NFRKB: variants seen among roughly 807,000 people sequenced by gnomAD.
NFRKB encodes nuclear factor related to kappa-B-binding protein.
Under a neutral mutation model 135.7 loss-of-function variants are expected in NFRKB, and 62 were observed. The ratio of observed to expected loss-of-function variants is 0.46; its 90% CI spans 0.37 to 0.56. NFRKB has a LOEUF of 0.56. NFRKB is among the 20% of genes least tolerant of loss of function. The pLI is 0.00. For synonymous variants in NFRKB, 678 were observed against 635.6 expected (o/e 1.07, Z -1.00); for missense variants, 1,545 against 1,662.0 (o/e 0.93, Z 1.22).
Position 129,864,068 on chromosome 11 carries a change from A to G in NFRKB, c.*657T>C, listed in dbSNP as rs1948079317. The G allele has an allele frequency of 6.6e-6, 1 of 151,870 alleles. No homozygotes were observed. Among genetic ancestry groups the G allele is most frequent in the Non-Finnish European group, 1.5e-5 (1 of 68,066 alleles). The allele number at this position is 151,870 out of a possible 1,614,324, so 9.4% of individuals were successfully genotyped here. Reference sequence around the variant, plus strand: ...TAAGAGGCAGTGCCAAGCGAATCCCATTTCAGGGGACCCACTCTACCTCGC... The same window carrying G: ...TAAGAGGCAGTGCCAAGCGAATCCCGTTTCAGGGGACCCACTCTACCTCGC... On this transcript the variant is annotated 3_prime_UTR_variant, in exon 27 of 27. Transcript: ENST00000682444.
Position 129,882,146 on chromosome 11 carries a change from G to A in NFRKB, c.1131C>T (p.Ser377=), listed in dbSNP as rs368277424. The A allele has an allele frequency of 3.5e-5, 56 of 1,613,458 alleles. No individual in the cohort carries two copies. In the Admixed American group the frequency reaches 9.0e-4, roughly 26 times the overall value. ...TCTCTAATAGAAGAGAGAAGAAGCT[G>A]GAAGATATTTCATTGATTCCAAGGC... ...KPCLGINEIS[S]SFFSLLLEIL... The change falls in exon 11 of 27, where the codon TCC becomes TCT. Residue 377 remains serine, a synonymous_variant. Coordinates refer to ENST00000682444, the MANE Select transcript of NFRKB (RefSeq NM_001143835.2).
Position 129,884,095 on chromosome 11 carries a change from T to C in NFRKB, c.791A>G (p.His264Arg). 6.2e-7 allele frequency: 1 copy of C among 1,614,224 alleles called. No individual in the cohort carries two copies. Among genetic ancestry groups the C allele is most frequent in the Non-Finnish European group, 8.5e-7 (1 of 1,180,040 alleles). The change falls in exon 8 of 27, where the codon CAC (histidine) becomes CGC (arginine). Residue 264 changes from histidine (H) to arginine (R), a missense_variant. Transcript: ENST00000682444. ...DSDLKIMLKK[H>R]HEKRKHQPDH... ...TGGCTGATGTTTCCGCTTCTCGTGG[T>C]GCTTCTTTAACATTATCTTCAGGTC...
rs1024939309 is a variant in NFRKB at position 129,881,971 on chromosome 11, G to C, written c.1191+115C>G. On this transcript the variant is annotated intron_variant, in intron 11 of 26. Coordinates refer to ENST00000682444, the MANE Select transcript of NFRKB (RefSeq NM_001143835.2). ...GGTGTTTGTCCGAATCACAAAGCAA[G>C]TTAACTACAGAGCGTTGAGAGGAAC... 6.8e-6 allele frequency: 10 copies of C among 1,477,620 alleles called. No individual in the cohort carries two copies. The East Asian group carries it at 2.3e-4, about 34-fold the overall frequency. The allele number at this position is 1,477,620 out of a possible 1,614,324, so 91.5% of individuals were successfully genotyped here. A position where few individuals can be genotyped will look rare whatever the true frequency, so the allele number is the denominator to read the frequency against.
In NFRKB at chr11:129,864,739, G is replaced by C. The variant is rs761906151; in HGVS notation, c.3886C>G (p.Pro1296Ala). Residue 1296 changes from proline (P) to alanine (A), a missense_variant, in exon 27 of 27, where the codon CCT becomes GCT. Pro to Ala is a conservative substitution (Grantham distance 27). Around this residue, in one of 3 missense-constraint regions of NFRKB, gnomAD observed 753 missense variants for 804.3 expected, o/e 0.94. Transcript: ENST00000682444. ...VTTAPSPKQA[P>A]EQQ ...CTCTCTCATAATCATTGTTGCTCAG[G>C]TGCCTGTTTAGGAGACGGAGCTGTA... 1.9e-6 allele frequency: 3 copies of C among 1,614,178 alleles called. No homozygotes were observed. Among genetic ancestry groups the C allele is most frequent in the Non-Finnish European group, 2.5e-6 (3 of 1,180,030 alleles).
chr11:129,880,501 T>C (rs75624090), intron 13 of NFRKB, among the ~76,000 whole-genome samples: 7,284 of 152,186 alleles, frequency 0.048, 599 homozygotes, highest in African/African-American at 0.17. Context: ...ACCTCCTCCA[T>C]CTCAAATGCT....
intron 15 of NFRKB, 30 bp downstream of exon 15, chr11:129,878,277 GAC>G (rs1948864946): frequency 6.2e-7 from 1 of 1,609,616 alleles, no homozygotes; most frequent in East Asian, 2.2e-5. Flanking sequence ...AGTTTCCCAG[GAC>G]ACCACCCACC....
At chr11:129,872,455 G>GGCACTCCTATCAGTATTAGTTGCTATA in intron 23 of NFRKB, 1 of 155,744 alleles carries the variant, frequency 6.4e-6, no homozygotes, top group Middle Eastern at 3.3e-3. Context: ...GCACACAGGA[G>GGCACTCCTATCAGTATTAGTTGCTATA]GCACTCCTAT....
intron 5 of NFRKB, among the ~76,000 whole-genome samples, chr11:129,886,109 A>C (rs1949264724): frequency 6.6e-6 from 1 of 152,222 alleles, no homozygotes; most frequent in Non-Finnish European, 1.5e-5. Context: ...CAATTTTAAG[A>C]AGCACATTTT....
At chr11:129,878,677 C>A in intron 13 of NFRKB, 134 bp from the exon 14 acceptor site, 1 of 744,088 alleles carries the variant, frequency 1.3e-6, no homozygotes, top group Non-Finnish European at 2.2e-6. Context: ...CTTCACACAT[C>A]CACTGCCTTC....
At chr11:129,890,088 G>A (rs1949486591) in intron 3 of NFRKB, among the ~76,000 whole-genome samples, 1 of 150,908 alleles carries the variant, frequency 6.6e-6, no homozygotes, top group African/African-American at 2.4e-5. Context: ...AGGACAGGGA[G>A]GGAGGTGGAG....
chr11:129,877,621 G>A (rs113648853), intron 15 of NFRKB, among the ~76,000 whole-genome samples: 1 of 152,210 alleles, frequency 6.6e-6, no homozygotes, highest in African/African-American at 2.4e-5. Context: ...AGATGGACAA[G>A]AGGCTGACAT....
intron 4 of NFRKB, among the ~76,000 whole-genome samples, chr11:129,887,780 G>C (rs1949348814): frequency 6.6e-6 from 1 of 152,244 alleles, no homozygotes; most frequent in African/African-American, 2.4e-5. Context: ...GCTCACGCCT[G>C]TGATCCCAGC....
intron 9 of NFRKB, 112 bp from the exon 10 acceptor site, chr11:129,882,743 G>A (rs1464506427): frequency 3.6e-6 from 4 of 1,120,602 alleles, no homozygotes; most frequent in Non-Finnish European, 5.1e-6. Context: ...AAAAGTCTCA[G>A]TAATAAAACA....
intron 23 of NFRKB, among the ~76,000 whole-genome samples, chr11:129,871,195 C>T (rs949216473): frequency 6.6e-6 from 1 of 152,170 alleles, no homozygotes; most frequent in Non-Finnish European, 1.5e-5. Flanking sequence ...AGCTTCTATA[C>T]TGTATTGGTT....
chr11:129,892,223 C>G (rs963659402), intron 3 of NFRKB, among the ~76,000 whole-genome samples: 1 of 152,164 alleles, frequency 6.6e-6, no homozygotes, highest in African/African-American at 2.4e-5. Flanking sequence ...TCCTTCCCCC[C>G]AAGTCCCCAG....
At chr11:129,889,850 A>C (rs901924632) in intron 3 of NFRKB, among the ~76,000 whole-genome samples, 10 of 151,560 alleles carry the variant, frequency 6.6e-5, no homozygotes, top group African/African-American at 2.4e-4. Flanking sequence ...CTGTGGGGGA[A>C]TGGAGAGGGA....
rs768089992 is a variant in NFRKB, at chr11:129,892,742, A to G, written c.108T>C (p.Val36=). ...CCTCCAGAAGGTCCTCGGGCAGACT[A>G]ACTCTGGTGCCTCCCAGGAGGCAAT... ...MEDCLLGGTR[V]SLPEDLLEDP... is the part of the protein sequence containing the mutation. The change falls in exon 3 of 27, where the codon GTT becomes GTC. Residue 36 remains valine (V), a synonymous_variant. Transcript: ENST00000682444. The G allele has an allele frequency of 4.3e-6, 7 of 1,614,086 alleles. No homozygotes were observed. Among genetic ancestry groups the G allele is most frequent in the Non-Finnish European group, 5.9e-6 (7 of 1,180,028 alleles).
chr11:129,870,854 T>C (rs975814688), intron 23 of NFRKB, among the ~76,000 whole-genome samples: 2 of 152,186 alleles, frequency 1.3e-5, no homozygotes, highest in African/African-American at 2.4e-5. Context: ...GCCATCAGAA[T>C]GCAAACATGC....
At chr11:129,865,383 G>A (rs1002698357) in intron 25 of NFRKB, among the ~76,000 whole-genome samples, 3 of 152,182 alleles carry the variant, frequency 2.0e-5, no homozygotes, top group African/African-American at 7.2e-5. Context: ...CCCCAGAGAG[G>A]TGTGCACTTC....
Sources: gnomAD v4.1 joint callset for allele counts (sites outside exome capture counted in the v4.1 genomes callset) on GRCh38, gnomAD v4.1.1 for gene constraint, gnomAD v4.1.1 regional missense constraint, MANE v1.5 for transcripts, NCBI Gene and HGNC (gene_info 2026-07-23, HGNC 2026-07-21) for gene names.